SLC17A6: variants seen among roughly 807,000 people sequenced by gnomAD.
SLC17A6 encodes the protein solute carrier family 17 member 6.
SLC17A6 carries 35 observed loss-of-function variants against 67.1 expected under a neutral mutation model. The ratio of observed to expected loss-of-function variants is 0.52; its 90% CI spans 0.40 to 0.69. SLC17A6 has a LOEUF of 0.69. Ranked by LOEUF, SLC17A6 falls within the 30% of genes least tolerant of loss-of-function variation. SLC17A6 has a pLI of 0.00. For missense variants in SLC17A6, 588 were observed against 723.9 expected, an observed-to-expected ratio of 0.81 and a Z score of 2.15; for synonymous variants, 285 against 252.3, an observed-to-expected ratio of 1.13 and a Z score of -1.23.
chr11:22,343,648 T>C (rs1295733322), intron 3 of SLC17A6, among the ~76,000 whole-genome samples: 2 of 152,130 alleles, frequency 1.3e-5, no homozygotes, highest in African/African-American at 4.8e-5. Context: ...CTGTATGGCC[T>C]GACAGGAGCT....
chr11:22,357,358 C>G (rs1856003057), intron 3 of SLC17A6, among the ~76,000 whole-genome samples: 1 of 152,162 alleles, frequency 6.6e-6, no homozygotes, highest in South Asian at 2.1e-4. Context: ...AGTGTACATT[C>G]AACAAATAAT....
Position 22,364,005 on chromosome 11 carries a change from C to A in SLC17A6, c.748+1180C>A, listed in dbSNP as rs148379559. Among the ~76,000 whole-genome samples the A allele has an allele frequency of 3.8e-3, 581 of 152,132 alleles. 3 individuals carry two copies. Among genetic ancestry groups the A allele is most frequent in the African/African-American group, 0.013 (550 of 41,534 alleles). On this transcript the variant is annotated intron_variant, in intron 6 of 11. Transcript: ENST00000263160. ...AGTAAGAATACAAATTTAAACAAGG[C>A]ACTCATAAACAACCAATATCATTAT...
chr11:22,344,611 C>CGGA (rs1378464459), intron 3 of SLC17A6, among the ~76,000 whole-genome samples: 2 of 152,086 alleles, frequency 1.3e-5, no homozygotes, highest in African/African-American at 4.8e-5. Flanking sequence ...ACTTGAAATA[C>CGGA]GGATGGCTGA....
Position 22,357,280 on chromosome 11 carries a change from G to T in SLC17A6, c.459-2133G>T, listed in dbSNP as rs189055537. On this transcript the variant is annotated intron_variant, in intron 3 of 11. Coordinates refer to ENST00000263160, the MANE Select transcript of SLC17A6 (RefSeq NM_020346.3). ...GTTGTTAGGTGCTTGTGGAGTTTAT[G>T]GCATGTGAAGCGTTAATATGGTATC... Among the ~76,000 whole-genome samples, 32 of 152,278 alleles carry T rather than the reference G, an allele frequency of 2.1e-4. No homozygotes were observed. The East Asian group carries it at 5.8e-3, about 28-fold the overall frequency.
In SLC17A6 at chr11:22,362,821, C is replaced by G. The variant is rs755509653; in HGVS notation, c.744C>G (p.Val248=). The change falls in exon 6 of 12, where the codon GTC becomes GTG. Residue 248 remains valine (V), a synonymous_variant. Transcript: ENST00000263160. ...QYTGWSSVFY[V]YGSFGMVWYM... is the part of the protein sequence containing the mutation. The stretch of plus-strand genomic sequence containing the variant: ...CTGGCTGGTCTTCAGTGTTTTATGT[C>G]TACGGTATGTTATATTTCTATGCAA... 6.2e-7 allele frequency: 1 copy of G among 1,612,458 alleles called. No homozygotes were observed. The highest frequency in any genetic ancestry group is 8.5e-7 in the Non-Finnish European group (1 of 1,178,736).
At chr11:22,365,790 G>T in intron 7 of SLC17A6, 101 bp downstream of exon 7, 2 of 1,264,250 alleles carry the variant, frequency 1.6e-6, no homozygotes, top group Non-Finnish European at 2.2e-6. Context: ...AAACTAATTT[G>T]GTATCAATCA....
Position 22,338,449 on chromosome 11 carries a change from G to C in SLC17A6, c.-85G>C, listed in dbSNP as rs1178716229. 6.2e-6 allele frequency: 6 copies of C among 968,842 alleles called. No homozygotes were observed. Among genetic ancestry groups the C allele is most frequent in the Non-Finnish European group, 9.7e-6 (6 of 618,148 alleles). 60.0% of individuals were successfully genotyped at this position (968,842 alleles called of 1,614,324 possible). On this transcript the variant is annotated 5_prime_UTR_variant, in exon 1 of 12. Coordinates refer to ENST00000263160, the MANE Select transcript of SLC17A6 (RefSeq NM_020346.3). ...AAGGAAAAGCCCGCAACTACTTTAAGAGATTAAGACAATATGCGCAATCCT... is the reference window on the plus strand; with the variant it reads ...AAGGAAAAGCCCGCAACTACTTTAACAGATTAAGACAATATGCGCAATCCT...
intron 2 of SLC17A6, chr11:22,342,931 G>C (rs565780410): frequency 2.0e-6 from 1 of 492,564 alleles, no homozygotes; most frequent in African/African-American, 1.9e-5. Context: ...ATCTCTTCAT[G>C]GGGAGTCCGA....
rs1437843668 is a variant in SLC17A6 at position 22,341,791 on chromosome 11, T to C, written c.339+11T>C. 1.2e-6 allele frequency: 2 copies of C among 1,612,544 alleles called. No homozygotes were observed. The highest frequency in any genetic ancestry group is 1.7e-6 in the Non-Finnish European group (2 of 1,179,026). ...AAGGTCATCAAGGAGGTGGGCAACG[T>C]CTGGCCGCCCTGGCTCCTGCCCTTC... On this transcript the variant is annotated intron_variant, in intron 2 of 11. Coordinates refer to ENST00000263160, the MANE Select transcript of SLC17A6 (RefSeq NM_020346.3).
intron 4 of SLC17A6, among the ~76,000 whole-genome samples, chr11:22,360,345 G>A (rs1226202305): frequency 1.3e-5 from 2 of 151,952 alleles, no homozygotes; most frequent in African/African-American, 4.8e-5. Context: ...AGTGTAGGGA[G>A]AGCATTAGGG....
chr11:22,372,907 T>G (rs973015179), intron 8 of SLC17A6, among the ~76,000 whole-genome samples: 2 of 152,144 alleles, frequency 1.3e-5, no homozygotes, highest in Non-Finnish European at 2.9e-5. Flanking sequence ...GCTCAAAAAC[T>G]TGAAACCTCT....
chr11:22,353,571 C>A (rs998831499), intron 3 of SLC17A6, among the ~76,000 whole-genome samples: 1 of 152,168 alleles, frequency 6.6e-6, no homozygotes, highest in Non-Finnish European at 1.5e-5. Context: ...CTGTATCATG[C>A]TATTTAAATG....
chr11:22,376,166 C>T (rs1419347236), intron 10 of SLC17A6, 74 bp downstream of exon 10: 1 of 890,098 alleles, frequency 1.1e-6, no homozygotes, highest in Non-Finnish European at 1.8e-6. Context: ...CATACATATA[C>T]CTTTTTATAG....
At chr11:22,348,391 AT>A (rs1422589820) in intron 3 of SLC17A6, among the ~76,000 whole-genome samples, 1 of 151,980 alleles carries the variant, frequency 6.6e-6, no homozygotes, top group African/African-American at 2.4e-5. Flanking sequence ...ATCATACTGA[AT>A]TTTTTGTGTG....
chr11:22,366,441 C>T lies in SLC17A6; in HGVS notation c.891+752C>T, dbSNP rs564219179. Among the ~76,000 whole-genome samples, 81 of 152,162 alleles carry T rather than the reference C, an allele frequency of 5.3e-4. No individual in the cohort carries two copies. In the Middle Eastern group the frequency reaches 0.014, roughly 26 times the overall value. On this transcript the variant is annotated intron_variant, in intron 7 of 11. Coordinates refer to ENST00000263160, the MANE Select transcript of SLC17A6 (RefSeq NM_020346.3). Reference sequence around the variant, plus strand: ...GAAGCATTAGAATGCCAATAATAGACAGCTGATATAAAAGAATTATAACAT... The same window carrying T: ...GAAGCATTAGAATGCCAATAATAGATAGCTGATATAAAAGAATTATAACAT...
intron 11 of SLC17A6, 60 bp from the exon 12 acceptor site, chr11:22,377,345 A>T: frequency 7.0e-7 from 1 of 1,430,518 alleles, no homozygotes; most frequent in Non-Finnish European, 9.5e-7. Context: ...TTCAGAGAAG[A>T]TGTTAGGCGT....
At chr11:22,362,157 T>C in intron 5 of SLC17A6, 1 of 316,126 alleles carries the variant, frequency 3.2e-6, no homozygotes, top group African/African-American at 2.3e-5. Context: ...TGTTTTAAAC[T>C]ATTTTATGGG....
At chr11:22,369,488 A>G (rs963151703) in intron 7 of SLC17A6, among the ~76,000 whole-genome samples, 3 of 152,044 alleles carry the variant, frequency 2.0e-5, no homozygotes, top group African/African-American at 7.2e-5. Flanking sequence ...ACTAGCTATC[A>G]AGATAATTTA....
rs1049319452 is a variant in SLC17A6, at chr11:22,379,384, G to C, written c.*1644G>C. On this transcript the variant is annotated 3_prime_UTR_variant, in exon 12 of 12. Transcript: ENST00000263160. ...AAAAAAAAAATACCCTTTGCTTTGT[G>C]CCTCAAAGTGATGTAATGTGATCAC... 6.6e-5 allele frequency: 10 copies of C among 152,338 alleles called. No individual in the cohort carries two copies. The highest frequency in any genetic ancestry group is 2.4e-4 in the African/African-American group (10 of 41,386). 9.4% of individuals were successfully genotyped at this position (152,338 alleles called of 1,614,324 possible).
Sources: allele counts gnomAD v4.1 joint callset (sites outside exome capture counted in the v4.1 genomes callset), GRCh38; gene constraint gnomAD v4.1.1; transcripts MANE v1.5; gene names NCBI Gene and HGNC (gene_info 2026-07-23, HGNC 2026-07-21).